USH2A: variants seen among roughly 807,000 people sequenced by gnomAD.
The protein encoded by USH2A is Usher syndrome 2A (autosomal recessive, mild).
USH2A carries 443 observed loss-of-function variants against 538.9 expected under a neutral mutation model. That is an observed-to-expected ratio of 0.82 (90% CI 0.76 to 0.89). USH2A has a LOEUF of 0.89. USH2A is among the 40% of genes least tolerant of loss of function. The pLI is 0.00. For missense variants in USH2A, 6,633 were observed against 6,324.8 expected (o/e 1.05, Z -1.65); for synonymous variants, 2,413 against 2,273.5 (o/e 1.06, Z -1.75).
intron 55 of USH2A, among the ~76,000 whole-genome samples, chr1:215,771,356 G>A (rs374186592): frequency 6.6e-6 from 1 of 151,252 alleles, no homozygotes; most frequent in South Asian, 2.1e-4. Flanking sequence ...CGAGGCGGGC[G>A]GATCACGAGG....
At chr1:215,667,685 G>T (rs1463063850) in intron 64 of USH2A, among the ~76,000 whole-genome samples, 2 of 151,344 alleles carry the variant, frequency 1.3e-5, no homozygotes, top group African/African-American at 4.9e-5. Context: ...GTGACAGAGC[G>T]AGACTGTGTC....
rs568156095 is a variant in USH2A at position 216,179,809 on chromosome 1, G to A, written c.4397-4327C>T. Among the ~76,000 whole-genome samples, 4 of 152,108 alleles carry A rather than the reference G, an allele frequency of 2.6e-5. No individual in the cohort carries two copies. In the South Asian group the frequency reaches 8.3e-4, roughly 32 times the overall value. On this transcript the variant is annotated intron_variant, in intron 20 of 71. Coordinates refer to ENST00000307340, the MANE Select transcript of USH2A (RefSeq NM_206933.4). ...GATGAATTATTCGTCAGATTTTCAA[G>A]GAAAAGGAACTATAGGTAAAAGTAG... is the stretch of plus-strand genomic sequence containing the variant.
intron 34 of USH2A, among the ~76,000 whole-genome samples, chr1:215,998,013 G>C (rs1261283387): frequency 6.6e-6 from 1 of 151,950 alleles, no homozygotes; most frequent in East Asian, 1.9e-4. Flanking sequence ...ATAATATTTA[G>C]AGCATTCAAG....
At chr1:216,021,973 T>C (rs1038154026) in intron 32 of USH2A, among the ~76,000 whole-genome samples, 2 of 151,764 alleles carry the variant, frequency 1.3e-5, no homozygotes, top group Admixed American at 6.6e-5. Context: ...AGTGAATGAG[T>C]TCTCACTCTT....
intron 47 of USH2A, among the ~76,000 whole-genome samples, chr1:215,822,146 T>G (rs1663032594): frequency 6.6e-6 from 1 of 151,964 alleles, no homozygotes; most frequent in South Asian, 2.1e-4. Context: ...AATACTTTTC[T>G]ATTTCTGTGA....
intron 62 of USH2A, among the ~76,000 whole-genome samples, chr1:215,678,734 G>A (rs4655285): frequency 0.19 from 28,609 of 151,096 alleles, 2,973 homozygotes; most frequent in South Asian, 0.47. Context: ...ACACACACAC[G>A]CACGTGCACT....
At chr1:216,144,238 C>T (rs1411054802) in intron 21 of USH2A, among the ~76,000 whole-genome samples, 4 of 152,090 alleles carry the variant, frequency 2.6e-5, no homozygotes, top group Admixed American at 6.5e-5. Context: ...AGTTTAAATA[C>T]GACCCTTTTG....
At chr1:216,096,585 GA>G (rs1413846482) in intron 22 of USH2A, among the ~76,000 whole-genome samples, 1 of 151,562 alleles carries the variant, frequency 6.6e-6, no homozygotes, top group Non-Finnish European at 1.5e-5. Flanking sequence ...CAATTTATAA[GA>G]ATTTTAAATT....
intron 16 of USH2A, among the ~76,000 whole-genome samples, chr1:216,203,539 G>T (rs749757822): frequency 1.3e-5 from 2 of 151,984 alleles, no homozygotes; most frequent in Non-Finnish European, 2.9e-5. Flanking sequence ...GGAAACTACC[G>T]CATTAAGAAT....
intron 44 of USH2A, among the ~76,000 whole-genome samples, chr1:215,849,985 A>AT (rs66884662): frequency 0.29 from 44,016 of 151,700 alleles, 8,505 homozygotes; most frequent in African/African-American, 0.54. Flanking sequence ...TAATTAATTG[A>AT]TCTTTTTAAG....
chr1:216,284,195 T>G (rs1268094559), intron 11 of USH2A, among the ~76,000 whole-genome samples: 2 of 152,114 alleles, frequency 1.3e-5, no homozygotes, highest in Non-Finnish European at 2.9e-5. Context: ...TGAGATAGTT[T>G]TACTGGAGCA....
intron 15 of USH2A, among the ~76,000 whole-genome samples, chr1:216,209,750 T>C (rs2035198441): frequency 6.6e-6 from 1 of 152,198 alleles, no homozygotes; most frequent in African/African-American, 2.4e-5. Context: ...TGTTGAAGTA[T>C]TGGTCTTTTA....
chr1:215,722,776 TG>T (rs1659697706), intron 61 of USH2A, among the ~76,000 whole-genome samples: 1 of 152,202 alleles, frequency 6.6e-6, no homozygotes, highest in Non-Finnish European at 1.5e-5. Flanking sequence ...TTTAGGATAC[TG>T]GGCAAATGCA....
intron 4 of USH2A, among the ~76,000 whole-genome samples, chr1:216,359,203 C>T (rs1011094586): frequency 2.6e-5 from 4 of 151,970 alleles, no homozygotes; most frequent in African/African-American, 4.8e-5. Context: ...TAAAGTAATA[C>T]GGTCTTCATA....
chr1:215,809,838 C>T (rs1341885266), intron 49 of USH2A, among the ~76,000 whole-genome samples: 1 of 152,096 alleles, frequency 6.6e-6, no homozygotes. Context: ...ATCAAAATGC[C>T]TATACCCATC....
chr1:216,144,895 T>C (rs370990589), intron 21 of USH2A, among the ~76,000 whole-genome samples: 2 of 152,298 alleles, frequency 1.3e-5, no homozygotes, highest in East Asian at 3.9e-4. Flanking sequence ...AGCTTCTTTT[T>C]ACGTTAAAAA....
At chr1:216,011,978 T>C (rs1234557831) in intron 32 of USH2A, among the ~76,000 whole-genome samples, 1 of 33,856 alleles carries the variant, frequency 3.0e-5, no homozygotes, top group African/African-American at 8.6e-5. Flanking sequence ...TTGATTTTTT[T>C]TTTTTTTTTT....
intron 47 of USH2A, among the ~76,000 whole-genome samples, chr1:215,830,968 C>T (rs2102809264): frequency 6.6e-6 from 1 of 152,204 alleles, no homozygotes; most frequent in South Asian, 2.1e-4. Context: ...AGGATTTTAA[C>T]AGGAGTCAGA....
chr1:215,685,557 C>A (rs1024162613), intron 61 of USH2A, among the ~76,000 whole-genome samples: 5 of 152,028 alleles, frequency 3.3e-5, no homozygotes, highest in Admixed American at 2.0e-4. Context: ...GGGGTTTCAC[C>A]ATCTTAGCCA....
Sources: gnomAD v4.1 joint callset for allele counts (sites outside exome capture counted in the v4.1 genomes callset) on GRCh38, gnomAD v4.1.1 for gene constraint, MANE v1.5 for transcripts, NCBI Gene and HGNC (gene_info 2026-07-23, HGNC 2026-07-21) for gene names.